Variants in SFMBT1 observed in about 807,000 individuals in gnomAD.
The protein encoded by SFMBT1 is scm-like with four MBT domains protein 1.
In SFMBT1, 32 loss-of-function variants were observed where a neutral mutation model predicts 108.7. The observed-to-expected ratio is 0.29, with a 90% CI of 0.22 to 0.40. The LOEUF (loss-of-function observed/expected upper bound fraction) is 0.40. Ranked by LOEUF, SFMBT1 falls within the 10% of genes least tolerant of loss-of-function variation. SFMBT1 has a pLI of 1.00. For synonymous variants in SFMBT1, 348 were observed against 369.5 expected (o/e 0.94, Z 0.67); for missense variants, 816 against 1,059.6 (o/e 0.77, Z 3.19).
chr3:52,979,955 C>G (rs1704653316), intron 1 of SFMBT1, among the ~76,000 whole-genome samples: 1 of 152,084 alleles, frequency 6.6e-6, no homozygotes, highest in Admixed American at 6.5e-5. Flanking sequence ...TTAAAAATAA[C>G]TATCTTGGAA....
chr3:53,016,395 A>G (rs1699127670), intron 1 of SFMBT1, among the ~76,000 whole-genome samples: 1 of 152,198 alleles, frequency 6.6e-6, no homozygotes, highest in Non-Finnish European at 1.5e-5. Flanking sequence ...CAAAGCATAC[A>G]ATCAATGTCC....
chr3:53,042,504 T>C (rs1408034654), intron 1 of SFMBT1, among the ~76,000 whole-genome samples: 1 of 152,124 alleles, frequency 6.6e-6, no homozygotes, highest in Non-Finnish European at 1.5e-5. Flanking sequence ...CGCGCCTGGC[T>C]AATTTTTTTA....
At chr3:53,000,767 C>T (rs571824441) in intron 1 of SFMBT1, among the ~76,000 whole-genome samples, 1 of 150,054 alleles carries the variant, frequency 6.7e-6, no homozygotes, top group East Asian at 1.9e-4. Context: ...TGTCCTTTGA[C>T]CCAACACCCC....
At chr3:52,944,177 T>C (rs1275181710) in intron 3 of SFMBT1, among the ~76,000 whole-genome samples, 2 of 152,372 alleles carry the variant, frequency 1.3e-5, no homozygotes, top group South Asian at 2.1e-4. Flanking sequence ...GAACTATTAA[T>C]ACTTTATGTG....
chr3:52,998,648 T>C (rs1698427910), intron 1 of SFMBT1, among the ~76,000 whole-genome samples: 1 of 150,384 alleles, frequency 6.6e-6, no homozygotes, highest in African/African-American at 2.4e-5. Context: ...CCTGGGCCAA[T>C]GGACTGGTTC....
chr3:53,014,463 C>T (rs1307709531), intron 1 of SFMBT1, among the ~76,000 whole-genome samples: 1 of 147,282 alleles, frequency 6.8e-6, no homozygotes, highest in Non-Finnish European at 1.5e-5. Context: ...GAGTGAGAGA[C>T]CCTGTATTTA....
chr3:52,985,120 C>G (rs534523587), intron 1 of SFMBT1, among the ~76,000 whole-genome samples: 85 of 152,270 alleles, frequency 5.6e-4, no homozygotes, highest in African/African-American at 2.0e-3. Context: ...GTAACATGAG[C>G]ACATGTTGAA....
At chr3:53,026,798 A>AT (rs1212806052) in intron 1 of SFMBT1, among the ~76,000 whole-genome samples, 14 of 152,064 alleles carry the variant, frequency 9.2e-5, no homozygotes, top group Non-Finnish European at 1.6e-4. Context: ...TTGAGAAGGG[A>AT]TTTTTTTTCT....
At chr3:52,958,840 A>G (rs909347269) in intron 2 of SFMBT1, among the ~76,000 whole-genome samples, 1 of 152,186 alleles carries the variant, frequency 6.6e-6, no homozygotes, top group African/African-American at 2.4e-5. Flanking sequence ...TGTTCACGGC[A>G]GTACTATTCT....
At chr3:52,945,520 TG>T (rs997664549) in intron 3 of SFMBT1, among the ~76,000 whole-genome samples, 3 of 151,212 alleles carry the variant, frequency 2.0e-5, no homozygotes, top group Non-Finnish European at 4.4e-5. Flanking sequence ...AAATAAACAT[TG>T]CAAGAGCCGG....
chr3:52,960,110 G>A (rs1036986704), intron 2 of SFMBT1, among the ~76,000 whole-genome samples: 11 of 151,804 alleles, frequency 7.2e-5, no homozygotes, highest in African/African-American at 2.7e-4. Context: ...ATGAATGCTA[G>A]CGTTGACACA....
intron 1 of SFMBT1, among the ~76,000 whole-genome samples, chr3:53,000,505 G>A (rs1008477708): frequency 4.7e-5 from 7 of 149,714 alleles, no homozygotes; most frequent in African/African-American, 1.7e-4. Flanking sequence ...AGAGTACTGA[G>A]TTATAATGTC....
intron 1 of SFMBT1, among the ~76,000 whole-genome samples, chr3:52,985,641 G>A (rs573361645): frequency 6.6e-6 from 1 of 152,220 alleles, no homozygotes; most frequent in African/African-American, 2.4e-5. Flanking sequence ...TGAGAAATTT[G>A]TTGTTTGGCA....
chr3:52,928,110 A>G, intron 9 of SFMBT1, 81 bp downstream of exon 9: 1 of 1,538,352 alleles, frequency 6.5e-7, no homozygotes, highest in Non-Finnish European at 8.8e-7. Flanking sequence ...GAGGGACAAA[A>G]GATTTCAGCA....
chr3:53,044,287 T>G (rs1700142771), intron 1 of SFMBT1, among the ~76,000 whole-genome samples: 2 of 152,202 alleles, frequency 1.3e-5, no homozygotes, highest in Admixed American at 6.5e-5. Flanking sequence ...ATTTTCGAAC[T>G]GAAAGCACCC....
chr3:53,037,549 T>C (rs1318810014), intron 1 of SFMBT1, among the ~76,000 whole-genome samples: 1 of 152,216 alleles, frequency 6.6e-6, no homozygotes, highest in Non-Finnish European at 1.5e-5. Context: ...ATTAATTACA[T>C]TAAGAGATCA....
intron 3 of SFMBT1, among the ~76,000 whole-genome samples, chr3:52,953,828 T>C (rs1401986824): frequency 6.6e-6 from 1 of 151,918 alleles, no homozygotes; most frequent in East Asian, 1.9e-4. Context: ...CCAAAAAGGA[T>C]TTTAGAATAT....
Position 52,907,331 on chromosome 3 carries a change from G to A in SFMBT1, c.2086-17C>T. On this transcript the variant is annotated splice_polypyrimidine_tract_variant and intron_variant, in intron 18 of 20. Transcript: ENST00000394752. The stretch of plus-strand genomic sequence containing the variant: ...CCCACTTCCCTGCAGGAAAAGGAGA[G>A]AAGTCTCATTGAAATTCAGGACATC... 1 of 1,598,078 alleles carries A rather than the reference G, an allele frequency of 6.3e-7. No individual in the cohort carries two copies.
intron 1 of SFMBT1, among the ~76,000 whole-genome samples, chr3:53,040,929 C>T (rs372394748): frequency 6.7e-6 from 1 of 148,624 alleles, no homozygotes; most frequent in Non-Finnish European, 1.5e-5. Context: ...CTCAGCCTCC[C>T]GAGTAGCTGA....
Sources: allele counts gnomAD v4.1 joint callset (sites outside exome capture counted in the v4.1 genomes callset), GRCh38; gene constraint gnomAD v4.1.1; transcripts MANE v1.5; gene names NCBI Gene and HGNC (gene_info 2026-07-23, HGNC 2026-07-21).